FAM219B: variants seen among roughly 807,000 people sequenced by gnomAD.
FAM219B encodes protein FAM219B.
A neutral mutation model predicts 19.9 loss-of-function variants in FAM219B; 18 were observed. That is an observed-to-expected ratio of 0.91 (90% confidence interval 0.63 to 1.34). The LOEUF is 1.34. Among genes scored for constraint, FAM219B ranks in the 40% most tolerant of loss-of-function variants. The pLI, the probability that FAM219B is intolerant of heterozygous loss-of-function variation, is 0.00. For missense variants in FAM219B, 283 were observed against 270.5 expected, an observed-to-expected ratio of 1.05 and a Z score of -0.32; for synonymous variants, 123 against 117.5, an observed-to-expected ratio of 1.05 and a Z score of -0.30.
At position 74,902,313 on chromosome 15, in the gene FAM219B, TGTCTGCA is replaced by T. The variant is rs998289747; in HGVS notation, c.*299_*305del. The T allele has an allele frequency of 2.0e-5, 8 of 402,598 alleles. No individual in the cohort carries two copies. The highest frequency in any genetic ancestry group is 8.8e-5 in the Admixed American group (2 of 22,824). The allele number at this position is 402,598 out of a possible 1,614,324, so 24.9% of individuals were successfully genotyped here. ...GCACTATGACAAATACCAATCAAGC[TGTCTGCA>T]AGTGTTTTCCTTAGCCACCTTTGTC... On this transcript the variant is annotated 3_prime_UTR_variant, in exon 5 of 5. Transcript: ENST00000357635.
intron 1 of FAM219B, 55 bp from the exon 2 acceptor site, chr15:74,906,420 C>A: frequency 2.6e-6 from 4 of 1,566,368 alleles, no homozygotes; most frequent in South Asian, 2.3e-5. Flanking sequence ...CCGCGTCTCC[C>A]GAAGGCTGGG....
At chr15:74,903,939 A>G (rs2065080647) in intron 4 of FAM219B, among the ~76,000 whole-genome samples, 1 of 152,208 alleles carries the variant, frequency 6.6e-6, no homozygotes, top group African/African-American at 2.4e-5. Context: ...CTGAGTTTTC[A>G]TAGATGGAAC....
Position 74,906,308 on chromosome 15 carries a change from G to C in FAM219B, c.272C>G (p.Ser91Trp), listed in dbSNP as rs1342077943. 2 of 1,613,594 alleles carry C rather than the reference G, an allele frequency of 1.2e-6. No homozygotes were observed. Among genetic ancestry groups the C allele is most frequent in the South Asian group, 1.1e-5 (1 of 90,978 alleles). The change falls in exon 2 of 5, where the codon TCG becomes TGG. Residue 91 changes from serine to tryptophan, a missense_variant. Physicochemically the swap from Ser to Trp is radical, Grantham distance 177. Transcript: ENST00000357635. The stretch of plus-strand genomic sequence containing the variant: ...CCCTGAAGAGTCTGGGCGGTTCGGC[G>C]AGGCCCCCAGCATGCCTTTTCTCCG... ...VLRRKGMLGA[S>W]PNRPDSSGKR...
At chr15:74,902,858 C>T in intron 4 of FAM219B, 72 bp from the exon 5 acceptor site, 2 of 1,519,276 alleles carry the variant, frequency 1.3e-6, no homozygotes, top group Non-Finnish European at 1.8e-6. Context: ...AAAGACAGAA[C>T]CACATTCCGT....
At position 74,902,663 on chromosome 15, in the gene FAM219B, AG is replaced by A. The variant is rs760517359; in HGVS notation, c.552del (p.Cys185AlafsTer42). 5.6e-6 allele frequency: 9 copies of A among 1,613,032 alleles called. No individual in the cohort carries two copies. The highest frequency in any genetic ancestry group is 7.6e-6 in the Non-Finnish European group (9 of 1,179,540). ...GAAGAGTCCCCAAGACAGCACCAGC[AG>A]CAGGAGCATGTTGAAGAGGCCATGG... ...PKPMASSTCSCCWCCLGDSSS... is the reference protein window; with the variant it reads ...PKPMASSTCSXCWCCLGDSSS... On this transcript the variant is annotated frameshift_variant, in exon 5 of 5. Transcript: ENST00000357635. LOFTEE classifies it high-confidence loss of function.
chr15:74,899,482 A>G (rs1450193175), downstream of FAM219B: 1 of 152,220 alleles, frequency 6.6e-6, no homozygotes, highest in Non-Finnish European at 1.5e-5. Flanking sequence ...GTGACTTGCA[A>G]GAGCCTATTT....
At chr15:74,904,976 G>A (rs1252883877) in intron 3 of FAM219B, 178 bp downstream of exon 3, 3 of 1,539,120 alleles carry the variant, frequency 1.9e-6, no homozygotes, top group Admixed American at 2.0e-5. Flanking sequence ...AGAGCAGCAC[G>A]ATTACCTATG....
At position 74,905,182 on chromosome 15, in the gene FAM219B, C is replaced by A; in HGVS notation, c.352G>T (p.Glu118Ter). The A allele has an allele frequency of 6.2e-7, 1 of 1,614,058 alleles. No homozygotes were observed. Among genetic ancestry groups the A allele is most frequent in the East Asian group, 2.2e-5 (1 of 44,872 alleles). The change falls in exon 3 of 5, where the codon GAA (glutamate) becomes TAA (stop). Residue 118 changes from glutamate (E) to a stop codon, truncating the protein, a stop_gained. Transcript: ENST00000357635. LOFTEE classifies it high-confidence loss of function. The part of the protein sequence containing the change: ...GYTALSQSPD[E>*]NLVSLDSDSD... Reference sequence around the variant, plus strand: ...TCAGAGTCGAGGGACACCAGGTTTTCATCTGGACTCTGGCTAAGAGCAGTA... The same window carrying A: ...TCAGAGTCGAGGGACACCAGGTTTTAATCTGGACTCTGGCTAAGAGCAGTA...
At chr15:74,898,244 G>GGCGACCACCGAGATCTA, downstream of FAM219B, 1 of 230,002 alleles carries the variant, frequency 4.3e-6, no homozygotes, top group Non-Finnish European at 8.8e-6. Flanking sequence ...GGGGTAATGA[G>GGCGACCACCGAGATCTA]CACTCAGCCT....
chr15:74,902,820 G>T, intron 4 of FAM219B, 34 bp from the exon 5 acceptor site: 6 of 1,576,546 alleles, frequency 3.8e-6, no homozygotes, highest in Non-Finnish European at 5.2e-6. Flanking sequence ...TATAGGCCAA[G>T]ATGCAAAGCA....
rs1566959673 is a variant in FAM219B, at chr15:74,905,203, C to T, written c.331G>A (p.Ala111Thr). ...RSVKFNKGYTALSQSPDENLV... is the reference protein window; with the variant it reads ...RSVKFNKGYTTLSQSPDENLV... Reference sequence around the variant, plus strand: ...TTTTCATCTGGACTCTGGCTAAGAGCAGTATAGCCCTTGTTAAACTTCACT... The same window carrying T: ...TTTTCATCTGGACTCTGGCTAAGAGTAGTATAGCCCTTGTTAAACTTCACT... Residue 111 changes from alanine to threonine, a missense_variant, in exon 3 of 5, where the codon GCT becomes ACT. Ala to Thr is a moderately conservative substitution (Grantham distance 58, BLOSUM62 0). Coordinates refer to ENST00000357635, the MANE Select transcript of FAM219B (RefSeq NM_020447.5). 1.2e-6 allele frequency: 2 copies of T among 1,613,872 alleles called. No homozygotes were observed. The highest frequency in any genetic ancestry group is 1.7e-6 in the Non-Finnish European group (2 of 1,179,944).
At chr15:74,906,152 T>G (rs1343029997) in intron 2 of FAM219B, 126 bp downstream of exon 2, 2 of 894,458 alleles carry the variant, frequency 2.2e-6, no homozygotes, top group Non-Finnish European at 3.4e-6. Flanking sequence ...TTAAAGATAG[T>G]GAACCTGACA....
At chr15:74,903,791 T>A (rs541800444) in intron 4 of FAM219B, among the ~76,000 whole-genome samples, 18 of 152,054 alleles carry the variant, frequency 1.2e-4, no homozygotes, top group African/African-American at 4.1e-4. Context: ...AAGCAAGTGG[T>A]GTAGAGTCAG....
intron 3 of FAM219B, 111 bp downstream of exon 3, chr15:74,905,043 G>A: frequency 6.3e-7 from 1 of 1,579,640 alleles, no homozygotes; most frequent in Non-Finnish European, 8.6e-7. Context: ...AACGGCCCTG[G>A]AATGTACATG....
chr15:74,901,868 G>C lies in FAM219B; in HGVS notation c.*751C>G. Reference sequence around the variant, plus strand: ...GGTGAAGAAACTCACCCAGACCAAGGAAATACAAATAAATAAATATGAACA... The same window carrying C: ...GGTGAAGAAACTCACCCAGACCAAGCAAATACAAATAAATAAATATGAACA... On this transcript the variant is annotated 3_prime_UTR_variant, in exon 5 of 5. Transcript: ENST00000357635. 2 of 369,900 alleles carry C rather than the reference G, an allele frequency of 5.4e-6. No homozygotes were observed. Among genetic ancestry groups the C allele is most frequent in the Non-Finnish European group, 9.6e-6 (2 of 208,766 alleles). The allele number at this position is 369,900 out of a possible 1,614,324, so 22.9% of individuals were successfully genotyped here. A position where few individuals can be genotyped will look rare whatever the true frequency, so the allele number is the denominator to read the frequency against.
chr15:74,904,019 G>A (rs147428910), intron 4 of FAM219B, among the ~76,000 whole-genome samples: 42 of 152,260 alleles, frequency 2.8e-4, no homozygotes, highest in Non-Finnish European at 3.8e-4. Flanking sequence ...GGGGAGAGAC[G>A]GAAATGCTGA....
chr15:74,904,079 C>T (rs2097408208), intron 4 of FAM219B, among the ~76,000 whole-genome samples: 1 of 152,108 alleles, frequency 6.6e-6, no homozygotes, highest in Admixed American at 6.5e-5. Context: ...AGGTCAAGGA[C>T]CAATGGACCC....
downstream of FAM219B, chr15:74,898,762 A>G (rs1172009411): frequency 6.6e-6 from 1 of 151,958 alleles, no homozygotes; most frequent in Non-Finnish European, 1.5e-5. Context: ...GATGGTCTCG[A>G]TCTTCTGACC....
intron 3 of FAM219B, 109 bp from the exon 4 acceptor site, chr15:74,904,821 C>T (rs906221970): frequency 8.0e-6 from 12 of 1,491,130 alleles, no homozygotes; most frequent in Non-Finnish European, 1.1e-5. Flanking sequence ...GAAGCAAAGG[C>T]CACACACAAC....
Sources: allele counts gnomAD v4.1 joint callset (sites outside exome capture counted in the v4.1 genomes callset), GRCh38; gene constraint gnomAD v4.1.1; transcripts MANE v1.5; gene names NCBI Gene and HGNC (gene_info 2026-07-23, HGNC 2026-07-21).